MYZAP: variants seen among roughly 807,000 people sequenced by gnomAD.
MYZAP encodes the protein GRINL1A complex locus upstream.
MYZAP carries 66 observed loss-of-function variants against 69.4 expected under a neutral mutation model. That is an observed-to-expected ratio of 0.95 (90% confidence interval 0.78 to 1.17). MYZAP has a LOEUF of 1.17. Among genes scored for constraint, MYZAP ranks in the 50% most tolerant of loss-of-function variants. The probability of loss-of-function intolerance (pLI) is 0.00; values close to 1 mark genes in which losing one functional copy is unlikely to be tolerated. For synonymous variants in MYZAP, 256 were observed against 205.9 expected, an observed-to-expected ratio of 1.24 and a Z score of -2.09; for missense variants, 611 against 556.2, an observed-to-expected ratio of 1.10 and a Z score of -0.99.
intron 11 of MYZAP, among the ~76,000 whole-genome samples, chr15:57,673,214 A>G (rs1427470722): frequency 6.6e-6 from 1 of 152,138 alleles, no homozygotes; most frequent in Non-Finnish European, 1.5e-5. Flanking sequence ...CAGTTGCGGC[A>G]TATTTGCTAA....
intron 12 of MYZAP, among the ~76,000 whole-genome samples, chr15:57,676,397 AATATATATATATGTATATATATGTGTAT>A (rs1567241976): frequency 7.2e-6 from 1 of 139,364 alleles, no homozygotes; most frequent in Non-Finnish European, 1.5e-5. Context: ...GAAAATGTTG[AATATATATATATGTATATATATGTGTAT>A]ATATATATAT....
intron 10 of MYZAP, among the ~76,000 whole-genome samples, chr15:57,639,833 G>T (rs546800727): frequency 6.6e-6 from 1 of 152,218 alleles, no homozygotes; most frequent in South Asian, 2.1e-4. Flanking sequence ...AGCCTGAGTG[G>T]GTACCCACAG....
chr15:57,617,714 G>T (rs1199641155), intron 2 of MYZAP, among the ~76,000 whole-genome samples: 14 of 152,144 alleles, frequency 9.2e-5, no homozygotes, highest in African/African-American at 3.4e-4. Flanking sequence ...AGAGCATGAG[G>T]TTTCAAATGC....
At chr15:57,671,651 A>G (rs1340346796) in intron 11 of MYZAP, among the ~76,000 whole-genome samples, 9 of 152,014 alleles carry the variant, frequency 5.9e-5, no homozygotes, top group Non-Finnish European at 7.4e-5. Context: ...TTCCTTTACC[A>G]TCTTCAGTCT....
intron 10 of MYZAP, among the ~76,000 whole-genome samples, chr15:57,645,598 G>A (rs1213562058): frequency 6.6e-6 from 1 of 152,200 alleles, no homozygotes; most frequent in African/African-American, 2.4e-5. Flanking sequence ...TGCACAGCAT[G>A]TTAATTGGAT....
chr15:57,652,535 C>G (rs951870915), intron 10 of MYZAP, among the ~76,000 whole-genome samples: 27 of 152,174 alleles, frequency 1.8e-4, no homozygotes, highest in Non-Finnish European at 3.5e-4. Context: ...AAAAATAAAA[C>G]ACTTTTTCTG....
At chr15:57,604,378 C>A in intron 2 of MYZAP, 23 bp downstream of exon 2, 1 of 1,613,594 alleles carries the variant, frequency 6.2e-7, no homozygotes, top group East Asian at 2.2e-5. Flanking sequence ...CGAGGCAAAG[C>A]CCCAACAAGT....
intron 6 of MYZAP, among the ~76,000 whole-genome samples, chr15:57,630,254 C>T (rs558460527): frequency 6.6e-6 from 1 of 152,352 alleles, no homozygotes; most frequent in African/African-American, 2.4e-5. Context: ...AGGCGTGAGC[C>T]ACCGTGCTTG....
chr15:57,676,432 ATATG>A lies in MYZAP; in HGVS notation c.1304+1368_1304+1371del, dbSNP rs1300813163. Among the ~76,000 whole-genome samples, 85 of 89,542 alleles carry A rather than the reference ATATG, an allele frequency of 9.5e-4. 2 individuals carry two copies. Among genetic ancestry groups the A allele is most frequent in the South Asian group, 8.4e-3 (26 of 3,104 alleles). 58.7% of individuals were successfully genotyped at this position (89,542 alleles called of 152,430 possible). A position where few individuals can be genotyped will look rare whatever the true frequency, so the allele number is the denominator to read the frequency against. On this transcript the variant is annotated intron_variant, in intron 12 of 12. Transcript: ENST00000267853. ...TATGTATATATATGTGTATATATAT[ATATG>A]TATATATATATATATATATATACAT...
intron 2 of MYZAP, among the ~76,000 whole-genome samples, chr15:57,616,434 T>A (rs954399677): frequency 6.6e-6 from 1 of 152,164 alleles, no homozygotes; most frequent in Non-Finnish European, 1.5e-5. Flanking sequence ...GGTCAAGAGC[T>A]CGAGACCATC....
chr15:57,663,031 G>A (rs1472363275), intron 11 of MYZAP, among the ~76,000 whole-genome samples: 1 of 152,190 alleles, frequency 6.6e-6, no homozygotes, highest in African/African-American at 2.4e-5. Flanking sequence ...GAACATTTCT[G>A]TTTCTAAGAT....
At chr15:57,629,971 AT>A (rs59322468) in intron 6 of MYZAP, 117 bp downstream of exon 6, 80,178 of 845,942 alleles carry the variant, frequency 0.095, 41 homozygotes, top group East Asian at 0.12. Flanking sequence ...TCTTCATTGG[AT>A]TTTTTTTTTT....
chr15:57,591,977 G>C lies in MYZAP; in HGVS notation c.-58G>C. 7.3e-7 allele frequency: 1 copy of C among 1,376,374 alleles called. No homozygotes were observed. Among genetic ancestry groups the C allele is most frequent in the East Asian group, 3.1e-5 (1 of 31,782 alleles). The allele number at this position is 1,376,374 out of a possible 1,614,324, so 85.3% of individuals were successfully genotyped here. A position where few individuals can be genotyped will look rare whatever the true frequency, so the allele number is the denominator to read the frequency against. ...CCCCCGCGCAGGGCGGGCCCCGCAC[G>C]CTTATTCTGCCCGGGAGGAACGCCG... On this transcript the variant is annotated 5_prime_UTR_variant, in exon 1 of 13. Coordinates refer to ENST00000267853, the MANE Select transcript of MYZAP (RefSeq NM_001018100.5).
Position 57,592,081 on chromosome 15 carries a change from C to T in MYZAP, c.47C>T (p.Ala16Val), listed in dbSNP as rs747424571. The T allele has an allele frequency of 8.6e-5, 119 of 1,380,348 alleles. No homozygotes were observed. Among genetic ancestry groups the T allele is most frequent in the Non-Finnish European group, 1.1e-4 (115 of 1,071,184 alleles). The allele number at this position is 1,380,348 out of a possible 1,614,324, so 85.5% of individuals were successfully genotyped here. A position where few individuals can be genotyped will look rare whatever the true frequency, so the allele number is the denominator to read the frequency against. The change falls in exon 1 of 13, where the codon GCC (alanine) becomes GTC (valine). Residue 16 changes from alanine (A) to valine (V), a missense_variant. By Grantham distance (64) the Ala-to-Val change is moderately conservative. Coordinates refer to ENST00000267853, the MANE Select transcript of MYZAP (RefSeq NM_001018100.5). The stretch of plus-strand genomic sequence containing the variant: ...GTCACCCTGCTCTCGGGCGGCGCCG[C>T]CAGGACGCCCGGGGCGCCCAGCAGG... ...STVTLLSGGA[A>V]RTPGAPSRRA...
chr15:57,599,203 A>G (rs1297479623), intron 1 of MYZAP, among the ~76,000 whole-genome samples: 1 of 152,200 alleles, frequency 6.6e-6, no homozygotes, highest in Non-Finnish European at 1.5e-5. Flanking sequence ...TAGGTGTCAG[A>G]ACCAATACTG....
At chr15:57,635,641 C>G (rs2036774140) in intron 8 of MYZAP, among the ~76,000 whole-genome samples, 1 of 152,204 alleles carries the variant, frequency 6.6e-6, no homozygotes, top group Admixed American at 6.5e-5. Flanking sequence ...GAGAAATGCT[C>G]TATTTATTGA....
Position 57,646,741 on chromosome 15 carries a change from A to G in MYZAP, c.1119+7196A>G, listed in dbSNP as rs529630422. ...AGGTGTCCTTCCTGAATGGATATCAATACTCATCTTAGGACTCTTCTAAGA... is the reference window on the plus strand; with the variant it reads ...AGGTGTCCTTCCTGAATGGATATCAGTACTCATCTTAGGACTCTTCTAAGA... On this transcript the variant is annotated intron_variant, in intron 10 of 12. Coordinates refer to ENST00000267853, the MANE Select transcript of MYZAP (RefSeq NM_001018100.5). 22 of 986,216 alleles carry G rather than the reference A, an allele frequency of 2.2e-5. No homozygotes were observed. In the African/African-American group the frequency reaches 3.7e-4, roughly 16 times the overall value. The allele number at this position is 986,216 out of a possible 1,614,324, so 61.1% of individuals were successfully genotyped here.
intron 2 of MYZAP, among the ~76,000 whole-genome samples, chr15:57,608,148 C>A (rs2034875345): frequency 6.6e-6 from 1 of 152,174 alleles, no homozygotes; most frequent in South Asian, 2.1e-4. Context: ...CAAGGATTTC[C>A]AGGGCCCTGT....
chr15:57,607,811 G>A (rs1313690012), intron 2 of MYZAP, among the ~76,000 whole-genome samples: 1 of 152,170 alleles, frequency 6.6e-6, no homozygotes, highest in African/African-American at 2.4e-5. Flanking sequence ...AAGTTTCTAG[G>A]GGTAACTGGG....
Sources: gnomAD v4.1 joint callset for allele counts (sites outside exome capture counted in the v4.1 genomes callset) on GRCh38, gnomAD v4.1.1 for gene constraint, MANE v1.5 for transcripts, NCBI Gene and HGNC (gene_info 2026-07-23, HGNC 2026-07-21) for gene names.